The following ARHGAP20 variants were observed in gnomAD, a reference collection of about 807,000 sequenced individuals.
ARHGAP20 encodes the protein Rho GTPase activating protein 20.
A neutral mutation model predicts 73.7 loss-of-function variants in ARHGAP20; 34 were observed. That is an observed-to-expected ratio of 0.46 (90% CI 0.35 to 0.61). ARHGAP20 has a LOEUF of 0.61. Among genes scored for constraint, ARHGAP20 ranks in the 20% least tolerant of loss-of-function variants. The pLI, the probability that ARHGAP20 is intolerant of heterozygous loss-of-function variation, is 0.00. For missense variants in ARHGAP20, 1,314 were observed against 1,420.9 expected (o/e 0.92, Z 1.21); for synonymous variants, 523 against 518.2 (o/e 1.01, Z -0.13).
In ARHGAP20 at chr11:110,577,393, GA is replaced by G. The variant is rs1229299380; in HGVS notation, c.*1976del. ...GTATCTAAGGGAACACAGATAGTAG[GA>G]ATGGTTATTAAAAAACCTCAGCAAC... On this transcript the variant is annotated 3_prime_UTR_variant, in exon 15 of 15. Coordinates refer to ENST00000683387, the MANE Select transcript of ARHGAP20 (RefSeq NM_001384657.1). The G allele has an allele frequency of 1.7e-6, 2 of 1,165,192 alleles. No homozygotes were observed. The highest frequency in any genetic ancestry group is 2.1e-6 in the Non-Finnish European group (2 of 946,382). The allele number at this position is 1,165,192 out of a possible 1,614,324, so 72.2% of individuals were successfully genotyped here.
chr11:110,699,194 T>C (rs1186025329), intron 1 of ARHGAP20, among the ~76,000 whole-genome samples: 2 of 151,968 alleles, frequency 1.3e-5, no homozygotes, highest in Non-Finnish European at 2.9e-5. Context: ...AGGTGTTTAG[T>C]TTCCATGTAG....
At chr11:110,631,313 T>C (rs1269349365) in intron 2 of ARHGAP20, among the ~76,000 whole-genome samples, 1 of 152,172 alleles carries the variant, frequency 6.6e-6, no homozygotes, top group Admixed American at 6.5e-5. Flanking sequence ...AAAGTGATCA[T>C]CACTCCAAAT....
chr11:110,687,055 T>G (rs917378233), intron 2 of ARHGAP20, among the ~76,000 whole-genome samples: 30 of 113,578 alleles, frequency 2.6e-4, no homozygotes, highest in East Asian at 1.6e-3. Context: ...TATATATATA[T>G]AGACACACAC....
At chr11:110,693,190 A>T (rs1950275889) in intron 1 of ARHGAP20, among the ~76,000 whole-genome samples, 1 of 151,994 alleles carries the variant, frequency 6.6e-6, no homozygotes, top group Admixed American at 6.6e-5. Flanking sequence ...ATAATGGGTC[A>T]AATGCTGAGT....
At chr11:110,711,442 C>G (rs1001791653) in intron 1 of ARHGAP20, among the ~76,000 whole-genome samples, 5 of 150,706 alleles carry the variant, frequency 3.3e-5, no homozygotes, top group Non-Finnish European at 7.4e-5. Context: ...GTTCTAGGCC[C>G]AGCCGAACCT....
At chr11:110,598,640 C>T (rs1948032771) in intron 9 of ARHGAP20, among the ~76,000 whole-genome samples, 3 of 152,190 alleles carry the variant, frequency 2.0e-5, no homozygotes, top group Admixed American at 2.0e-4. Flanking sequence ...CCTGAAGGAA[C>T]AAAGATTTCC....
intron 11 of ARHGAP20, among the ~76,000 whole-genome samples, chr11:110,589,968 A>C (rs906802113): frequency 2.6e-5 from 4 of 152,086 alleles, no homozygotes; most frequent in Non-Finnish European, 4.4e-5. Flanking sequence ...TAAAAATACA[A>C]AAATTAGCTG....
intron 3 of ARHGAP20, among the ~76,000 whole-genome samples, chr11:110,629,026 C>T (rs1266221616): frequency 1.3e-5 from 2 of 152,046 alleles, no homozygotes; most frequent in East Asian, 3.8e-4. Context: ...ATTGTAACTG[C>T]TAAGGGGAAA....
chr11:110,638,969 G>A (rs1257322743), intron 2 of ARHGAP20, among the ~76,000 whole-genome samples: 1 of 151,960 alleles, frequency 6.6e-6, no homozygotes. Context: ...CCTGCACGTT[G>A]TGCACATGTA....
rs991872067 is a variant in ARHGAP20, at chr11:110,608,997, T to TACC, written c.761_762insGGT (p.Pro254_Tyr255insVal). ...GCAAAAACTTACCAATGAGTGGGTATGGAGCCTCTTCTTTGCCAGAATTGA... is the reference window on the plus strand; with the variant it reads ...GCAAAAACTTACCAATGAGTGGGTATACCGGAGCCTCTTCTTTGCCAGAATTGA... On this transcript the variant is annotated inframe_insertion, in exon 8 of 15. Coordinates refer to ENST00000683387, the MANE Select transcript of ARHGAP20 (RefSeq NM_001384657.1). 2 of 1,613,612 alleles carry TACC rather than the reference T, an allele frequency of 1.2e-6. No individual in the cohort carries two copies. Among genetic ancestry groups the TACC allele is most frequent in the Non-Finnish European group, 1.7e-6 (2 of 1,179,690 alleles).
At chr11:110,657,935 GAA>G (rs1949506128) in intron 2 of ARHGAP20, among the ~76,000 whole-genome samples, 1 of 149,540 alleles carries the variant, frequency 6.7e-6, no homozygotes, top group Admixed American at 6.7e-5. Flanking sequence ...AGGAAGGAAG[GAA>G]GGAAGGAAGG....
At chr11:110,608,207 TA>T (rs1305997140) in intron 8 of ARHGAP20, among the ~76,000 whole-genome samples, 1 of 152,182 alleles carries the variant, frequency 6.6e-6, no homozygotes, top group Non-Finnish European at 1.5e-5. Context: ...AGTAAGCATT[TA>T]AAATTGTTAA....
intron 4 of ARHGAP20, among the ~76,000 whole-genome samples, chr11:110,619,462 G>T (rs548868066): frequency 6.6e-6 from 1 of 152,014 alleles, no homozygotes; most frequent in East Asian, 1.9e-4. Context: ...TAGTGATAGT[G>T]TATATGTAGT....
chr11:110,684,717 A>T (rs1182633058), intron 2 of ARHGAP20, among the ~76,000 whole-genome samples: 1 of 152,212 alleles, frequency 6.6e-6, no homozygotes, highest in South Asian at 2.1e-4. Context: ...CATATATACC[A>T]TGGAATACTA....
intron 2 of ARHGAP20, among the ~76,000 whole-genome samples, chr11:110,676,317 C>A (rs1160859125): frequency 6.6e-6 from 1 of 152,076 alleles, no homozygotes; most frequent in Non-Finnish European, 1.5e-5. Context: ...AAAGACATAC[C>A]TGAGACTAGG....
intron 8 of ARHGAP20, among the ~76,000 whole-genome samples, chr11:110,608,433 G>C (rs568387101): frequency 1.8e-3 from 277 of 152,166 alleles, no homozygotes; most frequent in Middle Eastern, 3.4e-3. Flanking sequence ...TAGAGAAATA[G>C]CAAAATAATT....
At chr11:110,582,079 A>G (rs1365222619) in intron 14 of ARHGAP20, among the ~76,000 whole-genome samples, 2 of 152,176 alleles carry the variant, frequency 1.3e-5, no homozygotes, top group African/African-American at 4.8e-5. Flanking sequence ...TGCTGCCACT[A>G]ACTTATTGAA....
chr11:110,641,061 G>A (rs1388284143), intron 2 of ARHGAP20, among the ~76,000 whole-genome samples: 1 of 152,006 alleles, frequency 6.6e-6, no homozygotes, highest in Non-Finnish European at 1.5e-5. Flanking sequence ...TAAACAGAGT[G>A]AGCAAGGGCT....
chr11:110,628,467 A>C (rs1467337036), intron 3 of ARHGAP20, among the ~76,000 whole-genome samples: 1 of 152,174 alleles, frequency 6.6e-6, no homozygotes, highest in Non-Finnish European at 1.5e-5. Flanking sequence ...TGATCATGTA[A>C]TCAATTTCCT....
Sources: gnomAD v4.1 joint callset for allele counts (sites outside exome capture counted in the v4.1 genomes callset) on GRCh38, gnomAD v4.1.1 for gene constraint, MANE v1.5 for transcripts, NCBI Gene and HGNC (gene_info 2026-07-23, HGNC 2026-07-21) for gene names.